STK26: variants seen among roughly 807,000 people sequenced by gnomAD.
STK26 encodes serine/threonine kinase 26, also known as serine/threonine-protein kinase 26.
In STK26, 14 loss-of-function variants were observed where a neutral mutation model predicts 34.7. That is an observed-to-expected ratio of 0.40 (90% confidence interval 0.27 to 0.63). The LOEUF (loss-of-function observed/expected upper bound fraction) is 0.63, where lower values mean the gene tolerates loss of function less well. STK26 is among the 30% of genes least tolerant of loss of function. The probability of loss-of-function intolerance (pLI) is 0.38; values close to 1 mark genes in which losing one functional copy is unlikely to be tolerated. For missense variants in STK26, 226 were observed against 309.1 expected (o/e 0.73, Z 2.02); for synonymous variants, 100 against 109.8 (o/e 0.91, Z 0.56).
chrX:132,051,031 G>A (rs1158137893), intron 2 of STK26, among the ~76,000 whole-genome samples: 1 of 111,580 alleles, frequency 9.0e-6, no homozygotes, highest in African/African-American at 3.3e-5. Flanking sequence ...AGTGATATAG[G>A]TAGTTCTAAT....
intron 3 of STK26, among the ~76,000 whole-genome samples, chrX:132,056,278 C>T (rs1166365610): frequency 8.9e-6 from 1 of 111,970 alleles, no homozygotes; most frequent in African/African-American, 3.3e-5. Context: ...ATCGCCTCTT[C>T]CAGACATTAC....
Position 132,069,514 on chromosome X carries a change from C to T in STK26, c.634C>T (p.Leu212=), listed in dbSNP as rs1927343797. The T allele has an allele frequency of 9.2e-7, 1 of 1,086,286 alleles. No individual in the cohort carries two copies. The highest frequency in any genetic ancestry group is 2.0e-5 in the African/African-American group (1 of 50,384). 89.5% of individuals were successfully genotyped at this position (1,086,286 alleles called of 1,213,427 possible). ...IWSLGITAIE[L]AKGEPPNSDM... ...GTCATTGGGAATTACTGCTATTGAACTAGCCAAGGGAGAGCCACCTAACTC... is the reference window on the plus strand; with the variant it reads ...GTCATTGGGAATTACTGCTATTGAATTAGCCAAGGGAGAGCCACCTAACTC... Residue 212 remains leucine, a synonymous_variant, in exon 7 of 12, where the codon CTA becomes TTA. Coordinates refer to ENST00000394334, the MANE Select transcript of STK26 (RefSeq NM_016542.4).
chrX:132,056,778 G>C (rs903462241), intron 3 of STK26, among the ~76,000 whole-genome samples: 3 of 112,632 alleles, frequency 2.7e-5, no homozygotes, highest in Non-Finnish European at 3.8e-5. Flanking sequence ...CTCTGAGGGT[G>C]GCGTAGGGCC....
At chrX:132,046,462 A>G (rs1926501105) in intron 2 of STK26, among the ~76,000 whole-genome samples, 1 of 112,180 alleles carries the variant, frequency 8.9e-6, no homozygotes, top group Non-Finnish European at 1.9e-5. Flanking sequence ...CTTTACTAAA[A>G]TATCTCATTC....
At chrX:132,029,080 A>C in intron 2 of STK26, among the ~76,000 whole-genome samples, 1 of 111,915 alleles carries the variant, frequency 8.9e-6, no homozygotes, top group South Asian at 3.7e-4. Flanking sequence ...TTTTGACACT[A>C]GGGGAGTAGG....
intron 4 of STK26, among the ~76,000 whole-genome samples, chrX:132,067,848 T>C: frequency 8.9e-6 from 1 of 111,791 alleles, no homozygotes; most frequent in Non-Finnish European, 1.9e-5. Flanking sequence ...TTTAAGTAGC[T>C]GATTTCTCTT....
chrX:132,060,347 G>A (rs1299781985), intron 3 of STK26, among the ~76,000 whole-genome samples: 6 of 111,407 alleles, frequency 5.4e-5, no homozygotes, highest in African/African-American at 2.0e-4. Context: ...AGGTGCAAGT[G>A]GGGTAGGGAC....
intron 3 of STK26, among the ~76,000 whole-genome samples, chrX:132,060,271 A>G (rs1005667059): frequency 1.8e-5 from 2 of 111,773 alleles, no homozygotes; most frequent in Middle Eastern, 4.2e-3. Flanking sequence ...ATCAAGTGCA[A>G]TAACCCTCAA....
In STK26 at chrX:132,068,439, G is replaced by A; in HGVS notation, c.467G>A (p.Gly156Glu). ...GCCAATGTCTTGCTCTCAGAACAAGGAGATGTTAAACTTGCTGATTTTGGA... is the reference window on the plus strand; with the variant it reads ...GCCAATGTCTTGCTCTCAGAACAAGAAGATGTTAAACTTGCTGATTTTGGA... ...KAANVLLSEQ[G>E]DVKLADFGVA... Residue 156 changes from glycine (G) to glutamate (E), a missense_variant, in exon 6 of 12, where the codon GGA (glycine) becomes GAA (glutamate). Around this residue, in one of 2 missense-constraint regions of STK26, gnomAD observed 100 missense variants for 176.7 expected, o/e 0.57. Transcript: ENST00000394334. The A allele has an allele frequency of 8.3e-7, 1 of 1,210,918 alleles. No individual in the cohort carries two copies. The highest frequency in any genetic ancestry group is 1.1e-6 in the Non-Finnish European group (1 of 895,175).
At chrX:132,061,292 G>A (rs1335076486) in intron 3 of STK26, among the ~76,000 whole-genome samples, 1 of 112,089 alleles carries the variant, frequency 8.9e-6, no homozygotes, top group Non-Finnish European at 1.9e-5. Flanking sequence ...ATCCACCATT[G>A]TAAGAACCAC....
chrX:132,069,284 C>A (rs58887343), intron 6 of STK26, among the ~76,000 whole-genome samples, 194 bp from the exon 7 acceptor site: 1,409 of 105,235 alleles, frequency 0.013, 26 homozygotes, highest in African/African-American at 0.046. Context: ...TAAATGAATT[C>A]TACTAATAAA....
At chrX:132,060,930 G>C (rs929840145) in intron 3 of STK26, among the ~76,000 whole-genome samples, 1 of 111,245 alleles carries the variant, frequency 9.0e-6, no homozygotes, top group Admixed American at 9.5e-5. Context: ...CTGATTTCCA[G>C]AACAAATAAG....
At chrX:132,054,408 A>T (rs1193534262) in intron 2 of STK26, among the ~76,000 whole-genome samples, 1 of 112,342 alleles carries the variant, frequency 8.9e-6, no homozygotes, top group Non-Finnish European at 1.9e-5. Flanking sequence ...TTGTGATAGC[A>T]GGATCAGCTA....
chrX:132,056,686 G>A (rs981273656), intron 3 of STK26, among the ~76,000 whole-genome samples: 3 of 112,039 alleles, frequency 2.7e-5, no homozygotes, highest in Non-Finnish European at 5.6e-5. Context: ...TATCTGGAGG[G>A]ACATGCTCTG....
chrX:132,052,499 A>G (rs1926724536), intron 2 of STK26, among the ~76,000 whole-genome samples: 1 of 112,214 alleles, frequency 8.9e-6, no homozygotes, highest in Non-Finnish European at 1.9e-5. Context: ...GCTATTCCTC[A>G]ATTTAAAATC....
intron 2 of STK26, among the ~76,000 whole-genome samples, chrX:132,044,732 T>G (rs1214359100): frequency 7.6e-5 from 4 of 52,485 alleles, no homozygotes; most frequent in South Asian, 7.6e-4. Context: ...TTTATATATA[T>G]ATAGAGAGAT....
At chrX:132,048,433 G>A (rs1383772705) in intron 2 of STK26, among the ~76,000 whole-genome samples, 2 of 111,720 alleles carry the variant, frequency 1.8e-5, no homozygotes, top group East Asian at 5.6e-4. Flanking sequence ...AGGGGTTATA[G>A]TTTAAATTAC....
chrX:132,044,404 T>C (rs747102880), intron 2 of STK26, among the ~76,000 whole-genome samples: 2 of 110,277 alleles, frequency 1.8e-5, no homozygotes, highest in African/African-American at 6.6e-5. Flanking sequence ...TAATTAAAGA[T>C]GCTGCGATTT....
At chrX:132,071,363 TCA>T in intron 8 of STK26, 146 bp downstream of exon 8, 1 of 668,376 alleles carries the variant, frequency 1.5e-6, no homozygotes, top group Non-Finnish European at 2.2e-6. Flanking sequence ...TCTTTTTCAA[TCA>T]CAGTCTGTGG....
Sources: gnomAD v4.1 joint callset for allele counts (sites outside exome capture counted in the v4.1 genomes callset) on GRCh38, gnomAD v4.1.1 for gene constraint, gnomAD v4.1.1 regional missense constraint, MANE v1.5 for transcripts, NCBI Gene and HGNC (gene_info 2026-07-23, HGNC 2026-07-21) for gene names.